Variants in TTBK2 observed in about 807,000 individuals in gnomAD.
TTBK2 encodes tau tubulin kinase 2.
Under a neutral mutation model 110.8 loss-of-function variants are expected in TTBK2, and 28 were observed. That is an observed-to-expected ratio of 0.25 (90% CI 0.19 to 0.35). TTBK2 has a LOEUF of 0.35. TTBK2 is among the 10% of genes least tolerant of loss of function. The pLI is 1.00. For synonymous variants in TTBK2, 532 were observed against 527.3 expected, an observed-to-expected ratio of 1.01 and a Z score of -0.12; for missense variants, 1,369 against 1,500.3, an observed-to-expected ratio of 0.91 and a Z score of 1.45.
intron 10 of TTBK2, among the ~76,000 whole-genome samples, chr15:42,788,125 G>A (rs147333286): frequency 3.3e-5 from 5 of 151,934 alleles, no homozygotes; most frequent in East Asian, 1.9e-4. Flanking sequence ...TCATATATGC[G>A]GTGTATCACT....
chr15:42,918,606 CTT>C (rs1202516232), intron 1 of TTBK2, among the ~76,000 whole-genome samples: 4 of 152,112 alleles, frequency 2.6e-5, no homozygotes, highest in African/African-American at 9.7e-5. Context: ...AAACCAATAA[CTT>C]ATCATTGCCA....
chr15:42,829,597 C>A (rs960529991), intron 5 of TTBK2, among the ~76,000 whole-genome samples: 1 of 152,150 alleles, frequency 6.6e-6, no homozygotes, highest in Non-Finnish European at 1.5e-5. Flanking sequence ...TCCACAGGAG[C>A]GATCATAGCT....
chr15:42,897,719 T>C (rs929468780), intron 1 of TTBK2, among the ~76,000 whole-genome samples: 5 of 152,026 alleles, frequency 3.3e-5, no homozygotes, highest in Admixed American at 2.6e-4. Context: ...GGAAAACCCA[T>C]ACAAGACAGG....
At chr15:42,917,263 T>C (rs565010005) in intron 1 of TTBK2, among the ~76,000 whole-genome samples, 4 of 151,584 alleles carry the variant, frequency 2.6e-5, no homozygotes, top group African/African-American at 9.7e-5. Context: ...AAATCCAAAA[T>C]GTTCACAAAA....
At chr15:42,861,970 A>G (rs1198825384) in intron 3 of TTBK2, among the ~76,000 whole-genome samples, 1 of 152,228 alleles carries the variant, frequency 6.6e-6, no homozygotes, top group Non-Finnish European at 1.5e-5. Context: ...CTAAGCACAC[A>G]AACTAGAAAA....
intron 10 of TTBK2, among the ~76,000 whole-genome samples, chr15:42,792,726 T>C (rs927283468): frequency 1.3e-5 from 2 of 152,226 alleles, no homozygotes; most frequent in Admixed American, 6.5e-5. Flanking sequence ...GGCAAGAGCA[T>C]GAAAGATACT....
At chr15:42,765,810 A>T (rs557262802) in intron 13 of TTBK2, among the ~76,000 whole-genome samples, 8 of 152,136 alleles carry the variant, frequency 5.3e-5, no homozygotes, top group Non-Finnish European at 1.0e-4. Context: ...CCAAGACACA[A>T]AATTGTCAGA....
intron 9 of TTBK2, among the ~76,000 whole-genome samples, chr15:42,808,657 G>A (rs1464310273): frequency 1.3e-5 from 2 of 151,504 alleles, no homozygotes; most frequent in East Asian, 1.9e-4. Flanking sequence ...GACCTGCTTG[G>A]GCAACATAGG....
intron 2 of TTBK2, among the ~76,000 whole-genome samples, chr15:42,873,165 C>T (rs1262225410): frequency 2.0e-5 from 3 of 152,254 alleles, no homozygotes; most frequent in Admixed American, 2.0e-4. Flanking sequence ...AGTGCAGTGG[C>T]TCACACCTGT....
At chr15:42,842,620 C>T (rs762933556) in intron 3 of TTBK2, among the ~76,000 whole-genome samples, 2 of 151,812 alleles carry the variant, frequency 1.3e-5, no homozygotes, top group Non-Finnish European at 2.9e-5. Context: ...GGTGCAGTGG[C>T]TTTGCCTATA....
intron 3 of TTBK2, among the ~76,000 whole-genome samples, chr15:42,859,971 A>G (rs561510895): frequency 2.0e-5 from 3 of 152,256 alleles, no homozygotes; most frequent in Admixed American, 2.0e-4. Context: ...AGTAGACTGG[A>G]CACAGCTGAG....
At chr15:42,820,781 A>C (rs1054525230) in intron 6 of TTBK2, among the ~76,000 whole-genome samples, 2 of 152,084 alleles carry the variant, frequency 1.3e-5, no homozygotes, top group African/African-American at 4.8e-5. Context: ...CAGGAGGCTC[A>C]CTTGAGGCCA....
chr15:42,831,430 T>C (rs1004888074), intron 4 of TTBK2, among the ~76,000 whole-genome samples: 2 of 152,134 alleles, frequency 1.3e-5, no homozygotes, highest in African/African-American at 4.8e-5. Context: ...ATTGTTATTA[T>C]GACCAAACAT....
intron 6 of TTBK2, among the ~76,000 whole-genome samples, chr15:42,819,351 A>T (rs1892190416): frequency 6.6e-6 from 1 of 150,956 alleles, no homozygotes; most frequent in African/African-American, 2.4e-5. Flanking sequence ...TCTGTCTCAA[A>T]AAAAAAAAAA....
intron 7 of TTBK2, among the ~76,000 whole-genome samples, chr15:42,815,979 TTGAGACGGAGTCTTGCTCTGTCTC>T (rs1891976153): frequency 1.0e-4 from 8 of 77,900 alleles, no homozygotes; most frequent in African/African-American, 1.7e-4. Context: ...ATATATATAT[TTGAGACGGAGTCTTGCTCTGTCTC>T]AAATTTGGAA....
chr15:42,864,751 G>A (rs1188384768), intron 3 of TTBK2, among the ~76,000 whole-genome samples: 1 of 152,100 alleles, frequency 6.6e-6, no homozygotes, highest in African/African-American at 2.4e-5. Flanking sequence ...AAGTTCTTTG[G>A]AGAGAAGGAA....
chr15:42,751,062 C>A (rs1005019277), intron 14 of TTBK2, among the ~76,000 whole-genome samples: 7 of 152,118 alleles, frequency 4.6e-5, no homozygotes, highest in Non-Finnish European at 1.0e-4. Context: ...ACCTGTCTTG[C>A]AAGAAATGCT....
chr15:42,816,434 GA>G (rs1045137893), intron 7 of TTBK2, among the ~76,000 whole-genome samples: 5 of 151,732 alleles, frequency 3.3e-5, no homozygotes, highest in African/African-American at 1.2e-4. Context: ...ATTTCCCAAA[GA>G]CATAAATATA....
intron 9 of TTBK2, among the ~76,000 whole-genome samples, chr15:42,795,450 C>A (rs894244756): frequency 6.6e-6 from 1 of 151,954 alleles, no homozygotes; most frequent in South Asian, 2.1e-4. Context: ...CATAAAAGGC[C>A]TCTATTGTTT....
Sources: gnomAD v4.1 joint callset for allele counts (sites outside exome capture counted in the v4.1 genomes callset) on GRCh38, gnomAD v4.1.1 for gene constraint, MANE v1.5 for transcripts, NCBI Gene and HGNC (gene_info 2026-07-23, HGNC 2026-07-21) for gene names.